KPNA1: variants seen among roughly 807,000 people sequenced by gnomAD.
The protein encoded by KPNA1 is importin subunit alpha-5.
A neutral mutation model predicts 70.5 loss-of-function variants in KPNA1; 10 were observed. The ratio of observed to expected loss-of-function variants is 0.14; its 90% CI spans 0.09 to 0.24. The LOEUF (loss-of-function observed/expected upper bound fraction) is 0.24. Among genes scored for constraint, KPNA1 ranks in the 10% least tolerant of loss-of-function variants. The pLI is 1.00. For synonymous variants in KPNA1, 192 were observed against 221.9 expected (o/e 0.87, Z 1.20); for missense variants, 397 against 637.9 (o/e 0.62, Z 4.07).
intron 2 of KPNA1, among the ~76,000 whole-genome samples, chr3:122,470,829 A>T (rs944695322): frequency 2.6e-5 from 4 of 152,170 alleles, no homozygotes; most frequent in Admixed American, 2.0e-4. Context: ...AAAGAGTGAA[A>T]GACAAAACTA....
At chr3:122,470,617 T>C (rs1446342679) in intron 2 of KPNA1, among the ~76,000 whole-genome samples, 1 of 152,020 alleles carries the variant, frequency 6.6e-6, no homozygotes, top group Non-Finnish European at 1.5e-5. Context: ...AGAAACAGGA[T>C]TATCTTATAG....
At chr3:122,487,845 A>ATT (rs2076647790) in intron 2 of KPNA1, among the ~76,000 whole-genome samples, 1 of 152,218 alleles carries the variant, frequency 6.6e-6, no homozygotes, top group Non-Finnish European at 1.5e-5. Flanking sequence ...TAACAATGTG[A>ATT]ATATTGTTAA....
chr3:122,437,011 C>T (rs762830536), intron 11 of KPNA1, among the ~76,000 whole-genome samples, 159 bp downstream of exon 11: 6 of 152,132 alleles, frequency 3.9e-5, no homozygotes, highest in Non-Finnish European at 8.8e-5. Context: ...AACTCCTGAC[C>T]GCAAGTGATC....
intron 2 of KPNA1, among the ~76,000 whole-genome samples, chr3:122,475,134 A>G (rs1053401044): frequency 6.6e-6 from 1 of 152,214 alleles, no homozygotes; most frequent in African/African-American, 2.4e-5. Context: ...AAACTGTTAG[A>G]AATAATACAT....
intron 12 of KPNA1, chr3:122,432,481 G>A (rs555976489): frequency 7.2e-5 from 11 of 152,156 alleles, no homozygotes; most frequent in African/African-American, 2.6e-4. Flanking sequence ...CTCAAAACTA[G>A]CATCTGATGA....
At chr3:122,476,762 A>T (rs1056427640) in intron 2 of KPNA1, among the ~76,000 whole-genome samples, 4 of 149,468 alleles carry the variant, frequency 2.7e-5, no homozygotes, top group African/African-American at 9.8e-5. Flanking sequence ...GACAAAAGAT[A>T]ACATATTGGC....
chr3:122,482,210 G>A (rs553052662), intron 2 of KPNA1, among the ~76,000 whole-genome samples: 14 of 152,212 alleles, frequency 9.2e-5, no homozygotes, highest in Non-Finnish European at 1.9e-4. Context: ...TGTACAGCAC[G>A]TTACTGTACT....
chr3:122,433,186 C>T (rs1342211841), intron 12 of KPNA1: 1 of 152,660 alleles, frequency 6.6e-6, no homozygotes, highest in Non-Finnish European at 1.5e-5. Context: ...CCTGCCTCTA[C>T]TAAATTTGGC....
At chr3:122,465,516 A>G (rs1048588294) in intron 3 of KPNA1, among the ~76,000 whole-genome samples, 4 of 152,262 alleles carry the variant, frequency 2.6e-5, no homozygotes, top group Non-Finnish European at 5.9e-5. Context: ...TACTGATTGC[A>G]TATTGCTTTC....
At chr3:122,504,990 G>A (rs1423173313) in intron 1 of KPNA1, among the ~76,000 whole-genome samples, 1 of 151,858 alleles carries the variant, frequency 6.6e-6, no homozygotes, top group South Asian at 2.1e-4. Context: ...GACACCTCTG[G>A]GTTTTTCTTC....
At chr3:122,507,661 G>C (rs1375108763) in intron 1 of KPNA1, among the ~76,000 whole-genome samples, 1 of 151,330 alleles carries the variant, frequency 6.6e-6, no homozygotes, top group Non-Finnish European at 1.5e-5. Context: ...TTTCAACTGA[G>C]TATGCTGTTA....
chr3:122,459,615 G>A (rs530000804), intron 5 of KPNA1: 1 of 985,284 alleles, frequency 1.0e-6, no homozygotes. Context: ...GGGTGAACGT[G>A]ATTATTTTTC....
At position 122,452,059 on chromosome 3, in the gene KPNA1, G is replaced by C. The variant is rs1256133440; in HGVS notation, c.570C>G (p.Val190=). 1 of 1,604,332 alleles carries C rather than the reference G, an allele frequency of 6.2e-7. No individual in the cohort carries two copies. The stretch of plus-strand genomic sequence containing the variant: ...CTCCAGCAATGTTGCCAAGAGCCCA[G>C]ACTGCCTGTGAAAGAATCATTCATT... ...SEFEDVQEQA[V]WALGNIAGDS... The change falls in exon 7 of 14, where the codon GTC becomes GTG. Residue 190 remains valine, a synonymous_variant. Coordinates refer to ENST00000344337, the MANE Select transcript of KPNA1 (RefSeq NM_002264.4).
chr3:122,459,326 A>G, intron 5 of KPNA1: 1 of 640,900 alleles, frequency 1.6e-6, no homozygotes, highest in South Asian at 6.8e-5. Flanking sequence ...AAGAACTACC[A>G]CCTAATAAAA....
At chr3:122,501,546 C>G (rs992524964) in intron 1 of KPNA1, among the ~76,000 whole-genome samples, 3 of 152,142 alleles carry the variant, frequency 2.0e-5, no homozygotes, top group Admixed American at 1.3e-4. Flanking sequence ...TGTTACTGAT[C>G]TAATTTCTTT....
intron 1 of KPNA1, among the ~76,000 whole-genome samples, chr3:122,497,671 T>G (rs182629390): frequency 3.7e-4 from 57 of 152,350 alleles, no homozygotes; most frequent in African/African-American, 1.3e-3. Context: ...TGATGACTAA[T>G]GAGATAGAGC....
chr3:122,471,644 C>T (rs546404071), intron 2 of KPNA1, among the ~76,000 whole-genome samples: 8 of 152,112 alleles, frequency 5.3e-5, no homozygotes, highest in East Asian at 1.9e-4. Context: ...GAGTTCAAGA[C>T]GAGCCTGGCC....
intron 2 of KPNA1, among the ~76,000 whole-genome samples, chr3:122,495,586 G>C (rs1389290468): frequency 6.6e-6 from 1 of 151,962 alleles, no homozygotes; most frequent in East Asian, 1.9e-4. Flanking sequence ...AATGTGTTTT[G>C]AGAATATTTC....
chr3:122,510,990 G>A lies in KPNA1; in HGVS notation c.-6+3767C>T, dbSNP rs960419818. Among the ~76,000 whole-genome samples, 5 of 152,064 alleles carry A rather than the reference G, an allele frequency of 3.3e-5. No homozygotes were observed. In the East Asian group the frequency reaches 5.8e-4, roughly 18 times the overall value. On this transcript the variant is annotated intron_variant, in intron 1 of 13. Coordinates refer to ENST00000344337, the MANE Select transcript of KPNA1 (RefSeq NM_002264.4). Reference sequence around the variant, plus strand: ...TGAACGGCTAAAACCAATCTTTAACGATCAATGTGAACACAGTACAAACAG... The same window carrying A: ...TGAACGGCTAAAACCAATCTTTAACAATCAATGTGAACACAGTACAAACAG...
Sources: gnomAD v4.1 joint callset for allele counts (sites outside exome capture counted in the v4.1 genomes callset) on GRCh38, gnomAD v4.1.1 for gene constraint, MANE v1.5 for transcripts, NCBI Gene and HGNC (gene_info 2026-07-23, HGNC 2026-07-21) for gene names.